Variants in GRM4 observed in about 807,000 individuals in gnomAD.
GRM4 encodes the protein glutamate metabotropic receptor 4.
GRM4 carries 28 observed loss-of-function variants against 81.7 expected under a neutral mutation model. The ratio of observed to expected loss-of-function variants is 0.34; its 90% CI spans 0.25 to 0.47. The LOEUF is 0.47. GRM4 is among the 20% of genes least tolerant of loss of function. The pLI is 1.00. For synonymous variants in GRM4, 488 were observed against 528.8 expected, an observed-to-expected ratio of 0.92 and a Z score of 1.06; for missense variants, 948 against 1,290.0, an observed-to-expected ratio of 0.73 and a Z score of 4.06.
Position 34,102,120 on chromosome 6 carries a change from T to C in GRM4, c.520-10021A>G, listed in dbSNP as rs745485534. Reference sequence around the variant, plus strand: ...AATAGCTTGGGAAGAGTTTGCACCATCTTGCAGCCAGCCGGAAGGACTGGG... The same window carrying C: ...AATAGCTTGGGAAGAGTTTGCACCACCTTGCAGCCAGCCGGAAGGACTGGG... On this transcript the variant is annotated intron_variant, in intron 2 of 10. Transcript: ENST00000538487. 4 of 1,535,606 alleles carry C rather than the reference T, an allele frequency of 2.6e-6. No homozygotes were observed. In the South Asian group the frequency reaches 3.6e-5, roughly 14 times the overall value.
At chr6:34,131,609 GC>G (rs1316488413) in intron 2 of GRM4, among the ~76,000 whole-genome samples, 2 of 152,106 alleles carry the variant, frequency 1.3e-5, no homozygotes, top group African/African-American at 4.8e-5. Flanking sequence ...CCGCTCACCA[GC>G]TTCCTCACCC....
chr6:34,137,068 C>G (rs972332653), intron 1 of GRM4, among the ~76,000 whole-genome samples: 2 of 152,172 alleles, frequency 1.3e-5, no homozygotes, highest in Non-Finnish European at 2.9e-5. Context: ...TCAGACACTC[C>G]CCCGCCAATT....
chr6:34,146,335 A>G (rs1360635839), upstream of GRM4, among the ~76,000 whole-genome samples: 5 of 152,160 alleles, frequency 3.3e-5, no homozygotes, highest in South Asian at 4.2e-4. Flanking sequence ...AAACCCCACC[A>G]GGCTAGGGAA....
chr6:34,066,474 ATATT>A (rs1766472164), intron 3 of GRM4, among the ~76,000 whole-genome samples: 1 of 152,070 alleles, frequency 6.6e-6, no homozygotes, highest in South Asian at 2.1e-4. Context: ...ACCACATACA[ATATT>A]TATGAAGATG....
intron 2 of GRM4, among the ~76,000 whole-genome samples, chr6:34,099,183 G>A (rs969071431): frequency 4.6e-5 from 7 of 152,342 alleles, no homozygotes; most frequent in East Asian, 1.9e-4. Flanking sequence ...CAGGCTGTCT[G>A]CGCACAGAGG....
Position 34,058,984 on chromosome 6 carries a change from C to T in GRM4, c.1017G>A (p.Met339Ile), listed in dbSNP as rs1338722850. 6.2e-7 allele frequency: 1 copy of T among 1,612,690 alleles called. No homozygotes were observed. Among genetic ancestry groups the T allele is most frequent in the Non-Finnish European group, 8.5e-7 (1 of 1,179,738 alleles). The change falls in exon 5 of 11, where the codon ATG becomes ATA. Residue 339 changes from methionine to isoleucine, a missense_variant. By Grantham distance (10) the Met-to-Ile change is conservative. Transcript: ENST00000538487. Reference protein sequence around the residue: ...EGAVTILPKRMSVRGFDRYFS... With the variant: ...EGAVTILPKRISVRGFDRYFS... ...CCCGCCCAGCCTTACCTCGTACGGA[C>T]ATCCTCTTGGGGAGGATCGTGACAG...
intron 2 of GRM4, among the ~76,000 whole-genome samples, chr6:34,119,459 G>A (rs1769717002): frequency 6.6e-6 from 1 of 152,224 alleles, no homozygotes. Flanking sequence ...GGCCAGGTCG[G>A]GATCAGCCAC....
intron 2 of GRM4, among the ~76,000 whole-genome samples, chr6:34,122,970 C>T (rs1292884316): frequency 6.6e-6 from 1 of 152,188 alleles, no homozygotes; most frequent in East Asian, 1.9e-4. Context: ...ACGGCCCGAG[C>T]AGGGCCAGGA....
rs535836686 is a variant in GRM4 at position 34,091,819 on chromosome 6, G to A, written c.736+64C>T. On this transcript the variant is annotated intron_variant, in intron 3 of 10. Transcript: ENST00000538487. Reference sequence around the variant, plus strand: ...GGCCCCGGCTGGGAGCTCCTGGTGGGTCAGTCACTGTGCCGGGACACCCCC... The same window carrying A: ...GGCCCCGGCTGGGAGCTCCTGGTGGATCAGTCACTGTGCCGGGACACCCCC... The A allele has an allele frequency of 9.5e-5, 116 of 1,217,684 alleles. 1 individual carries two copies. In the South Asian group the frequency reaches 1.4e-3, roughly 15 times the overall value. 75.4% of individuals were successfully genotyped at this position (1,217,684 alleles called of 1,614,324 possible).
At position 34,133,730 on chromosome 6, in the gene GRM4, A is replaced by G; in HGVS notation, c.-234T>C. The G allele has an allele frequency of 7.7e-7, 1 of 1,296,292 alleles. No individual in the cohort carries two copies. Among genetic ancestry groups the G allele is most frequent in the Non-Finnish European group, 9.7e-7 (1 of 1,026,796 alleles). The allele number at this position is 1,296,292 out of a possible 1,614,324, so 80.3% of individuals were successfully genotyped here. ...AGCAGGCAGTGGCCGGGGTTGCAGGAAGGCTCTGATCCTTGTCCCGTCCTG... is the reference window on the plus strand; with the variant it reads ...AGCAGGCAGTGGCCGGGGTTGCAGGGAGGCTCTGATCCTTGTCCCGTCCTG... On this transcript the variant is annotated 5_prime_UTR_variant, in exon 2 of 11. Transcript: ENST00000538487. The surrounding 1 kb of genome is among the most constrained non-coding windows in gnomAD (Gnocchi z 6.5).
In GRM4 at chr6:34,035,664, T is replaced by G; in HGVS notation, c.2442+4A>C. 2.8e-6 allele frequency: 2 copies of G among 712,862 alleles called. No individual in the cohort carries two copies. Among genetic ancestry groups the G allele is most frequent in the Non-Finnish European group, 4.6e-6 (2 of 439,546 alleles). 44.2% of individuals were successfully genotyped at this position (712,862 alleles called of 1,614,324 possible). A position where few individuals can be genotyped will look rare whatever the true frequency, so the allele number is the denominator to read the frequency against. On this transcript the variant is annotated splice_donor_region_variant and intron_variant, in intron 9 of 10. Transcript: ENST00000538487. This position sits in a 1 kb window ranked among gnomAD's most constrained non-coding sequence, Gnocchi z 6.6. Reference sequence around the variant, plus strand: ...ACCGTCCACCCCCGGCCCCCACCACTCACCTTGTCGGCCGACTGCGAGGTG... The same window carrying G: ...ACCGTCCACCCCCGGCCCCCACCACGCACCTTGTCGGCCGACTGCGAGGTG...
chr6:34,120,580 A>G (rs1484981156), intron 2 of GRM4, among the ~76,000 whole-genome samples: 5 of 152,204 alleles, frequency 3.3e-5, no homozygotes, highest in African/African-American at 1.2e-4. Flanking sequence ...TCCTTCCAGC[A>G]GCAACCAGAG....
At chr6:34,147,485 C>T (rs887867382), upstream of GRM4, among the ~76,000 whole-genome samples, 2 of 152,222 alleles carry the variant, frequency 1.3e-5, no homozygotes, top group East Asian at 1.9e-4. Flanking sequence ...GGTTCAAACC[C>T]GCCTGTGTCA....
Position 34,151,406 on chromosome 6 carries a change from ATCTC to A in GRM4, c.312+3669_312+3672del, listed in dbSNP as rs550332411. 3.9e-3 allele frequency among the ~76,000 whole-genome samples: 589 copies of A among 152,068 alleles called. 4 individuals carry two copies. The highest frequency in any genetic ancestry group is 0.024 in the South Asian group (115 of 4,810). ...TCGCTGCAATTTAAAACAACTTATC[ATCTC>A]TCTCTCCACATGTCCGGGGGCTGTC... On this transcript the variant is annotated intron_variant, in intron 1 of 8. Transcript: ENST00000374177.
At chr6:34,107,592 G>T (rs766480760) in intron 2 of GRM4, among the ~76,000 whole-genome samples, 1 of 152,168 alleles carries the variant, frequency 6.6e-6, no homozygotes, top group Non-Finnish European at 1.5e-5. Context: ...GCAGCATTAC[G>T]CTGACACCTG....
chr6:34,099,744 A>G (rs1398542233), intron 2 of GRM4, among the ~76,000 whole-genome samples: 1 of 152,144 alleles, frequency 6.6e-6, no homozygotes, highest in East Asian at 1.9e-4. Flanking sequence ...AACAAGGCCT[A>G]GGGGAAATGG....
intron 9 of GRM4, among the ~76,000 whole-genome samples, chr6:34,029,309 A>G (rs1764295999): frequency 6.6e-6 from 1 of 152,266 alleles, no homozygotes; most frequent in Non-Finnish European, 1.5e-5. Context: ...TGCTTCCTCC[A>G]GGAATCCTCT....
chr6:34,073,114 CCACACAGATACACACCA>C (rs1767078318), intron 3 of GRM4, among the ~76,000 whole-genome samples: 2 of 102,130 alleles, frequency 2.0e-5, no homozygotes, highest in Non-Finnish European at 4.1e-5. Context: ...ACACACATCA[CCACACAGATACACACCA>C]CACACACACA....
intron 1 of GRM4, among the ~76,000 whole-genome samples, chr6:34,153,661 G>A (rs1292113654): frequency 5.3e-5 from 8 of 152,150 alleles, no homozygotes; most frequent in African/African-American, 1.2e-4. Context: ...TGAGGTGGGC[G>A]GATCACCTGA....
Sources: allele counts gnomAD v4.1 joint callset (sites outside exome capture counted in the v4.1 genomes callset), GRCh38; gene constraint gnomAD v4.1.1; non-coding constraint Gnocchi (gnomAD v3.1); transcripts MANE v1.5; gene names NCBI Gene and HGNC (gene_info 2026-07-23, HGNC 2026-07-21).